SAXO4: variants seen among roughly 807,000 people sequenced by gnomAD.
SAXO4 encodes the protein protein phosphatase 1 regulatory subunit 32.
chr11:61,481,973 G>A, the SAXO4 span: 1 of 1,249,640 alleles, frequency 8.0e-7, no homozygotes, highest in Non-Finnish European at 1.1e-6. Context: ...GAAGGGAGGG[G>A]CTCTCTCTGA....
the SAXO4 span, chr11:61,484,833 C>G: frequency 6.4e-7 from 1 of 1,555,052 alleles, no homozygotes; most frequent in South Asian, 1.2e-5. Context: ...GGCAGCCCAG[C>G]TAAGGGCTTC....
At chr11:61,489,643 G>A in the SAXO4 span, 6 of 857,474 alleles carry the variant, frequency 7.0e-6, no homozygotes, top group Non-Finnish European at 1.2e-5. Flanking sequence ...GTGGACGTGG[G>A]CTTAGGGAGA....
At chr11:61,485,175 C>A in the SAXO4 span, among the ~76,000 whole-genome samples, 1 of 152,058 alleles carries the variant, frequency 6.6e-6, no homozygotes, top group Non-Finnish European at 1.5e-5. Context: ...AAATTCCTGG[C>A]CCTGCGATGT....
At chr11:61,487,361 GA>G in the SAXO4 span, 2 of 849,848 alleles carry the variant, frequency 2.4e-6, no homozygotes. Context: ...GGGTTCCCCA[GA>G]AGCATACCCT....
the SAXO4 span, chr11:61,481,654 G>A: frequency 1.9e-6 from 1 of 524,978 alleles, no homozygotes; most frequent in East Asian, 3.5e-5. Flanking sequence ...CTTGGGAGCT[G>A]GGGCAGAGAG....
chr11:61,484,737 C>A, the SAXO4 span: 1 of 1,613,586 alleles, frequency 6.2e-7, no homozygotes, highest in South Asian at 1.1e-5. Flanking sequence ...CAGGCCATCA[C>A]GGGGCTGGAG....
At chr11:61,490,571 G>A in the SAXO4 span, 1 of 1,613,816 alleles carries the variant, frequency 6.2e-7, no homozygotes, top group Non-Finnish European at 8.5e-7. Flanking sequence ...ACACAGCTGA[G>A]CCCTGAGCCC....
the SAXO4 span, chr11:61,490,532 A>AAC: frequency 6.2e-7 from 1 of 1,614,056 alleles, no homozygotes; most frequent in Non-Finnish European, 8.5e-7. Context: ...CTTCTACCAG[A>AAC]ACACACCTCA....
chr11:61,486,793 G>A, the SAXO4 span, among the ~76,000 whole-genome samples: 8 of 152,282 alleles, frequency 5.3e-5, no homozygotes, highest in African/African-American at 1.9e-4. Context: ...GATGAGGGGT[G>A]TGGTCTGAAA....
At chr11:61,482,719 G>A in the SAXO4 span, 4 of 1,614,090 alleles carry the variant, frequency 2.5e-6, no homozygotes, top group East Asian at 2.2e-5. Flanking sequence ...GGAGGTGCCT[G>A]ACGGCAAGCA....
chr11:61,482,389 G>A, the SAXO4 span: 1 of 1,614,186 alleles, frequency 6.2e-7, no homozygotes, highest in Non-Finnish European at 8.5e-7. Context: ...GTGGTCTCAT[G>A]CCAAGCCAGT....
the SAXO4 span, chr11:61,485,413 C>T: frequency 1.2e-6 from 2 of 1,610,356 alleles, no homozygotes; most frequent in Non-Finnish European, 1.7e-6. Flanking sequence ...TAGGCCCTGT[C>T]TGAACTCACA....
At chr11:61,490,650 C>G in the SAXO4 span, 10 of 1,422,402 alleles carry the variant, frequency 7.0e-6, no homozygotes, top group Non-Finnish European at 9.9e-6. Context: ...TGGGCCAGCC[C>G]TGCCTCTCAA....
the SAXO4 span, among the ~76,000 whole-genome samples, chr11:61,488,577 C>G: frequency 6.6e-6 from 1 of 152,174 alleles, no homozygotes; most frequent in Non-Finnish European, 1.5e-5. Flanking sequence ...ATTCTTAGGA[C>G]AAACTCCGAG....
chr11:61,487,066 GACTTGCTAC>G, the SAXO4 span: 1 of 1,613,230 alleles, frequency 6.2e-7, no homozygotes, highest in Non-Finnish European at 8.5e-7. Flanking sequence ...AAAAAGGTGA[GACTTGCTAC>G]ACCTAGCCTC....
At chr11:61,483,611 G>A in the SAXO4 span, among the ~76,000 whole-genome samples, 1 of 152,106 alleles carries the variant, frequency 6.6e-6, no homozygotes, top group African/African-American at 2.4e-5. Flanking sequence ...TGGAGTGCGG[G>A]GTGGGGCGGG....
the SAXO4 span, chr11:61,485,450 T>C: frequency 6.5e-7 from 1 of 1,538,940 alleles, no homozygotes; most frequent in African/African-American, 1.4e-5. Context: ...CCAATCCACC[T>C]CCCTACTTGC....
At chr11:61,486,153 G>A in the SAXO4 span, among the ~76,000 whole-genome samples, 1 of 152,262 alleles carries the variant, frequency 6.6e-6, no homozygotes, top group African/African-American at 2.4e-5. Flanking sequence ...GCCCTGGCCT[G>A]CTGGTCCCAT....
chr11:61,481,387 A>C, the SAXO4 span, among the ~76,000 whole-genome samples: 33 of 152,080 alleles, frequency 2.2e-4, no homozygotes, highest in Non-Finnish European at 4.0e-4. Context: ...AGAATTCCCC[A>C]GGTAGTGGGT....
Sources: allele counts gnomAD v4.1 joint callset (sites outside exome capture counted in the v4.1 genomes callset), GRCh38; gene constraint gnomAD v4.1.1; transcripts MANE v1.5; gene names NCBI Gene and HGNC (gene_info 2026-07-23, HGNC 2026-07-21).